The following DMD variants were observed in gnomAD, a reference collection of about 807,000 sequenced individuals.
The protein encoded by DMD is mutant dystrophin.
A neutral mutation model predicts 330.1 loss-of-function variants in DMD; 63 were observed. The observed-to-expected ratio is 0.19, with a 90% CI of 0.16 to 0.24. The LOEUF is 0.24. Among genes scored for constraint, DMD ranks in the 10% least tolerant of loss-of-function variants. DMD has a pLI of 1.00. For synonymous variants in DMD, 1,223 were observed against 959.8 expected, an observed-to-expected ratio of 1.27 and a Z score of -5.07; for missense variants, 3,344 against 2,684.1, an observed-to-expected ratio of 1.25 and a Z score of -5.43.
intron 60 of DMD, among the ~76,000 whole-genome samples, chrX:31,424,582 G>A (rs749786078): frequency 2.7e-5 from 3 of 112,104 alleles, no homozygotes; most frequent in Non-Finnish European, 3.8e-5. Flanking sequence ...AGTTTTTTAC[G>A]TAAAGTGCAA....
At chrX:31,166,247 T>C (rs975426466) in intron 74 of DMD, among the ~76,000 whole-genome samples, 7 of 111,623 alleles carry the variant, frequency 6.3e-5, no homozygotes, top group African/African-American at 2.3e-4. Flanking sequence ...AGAGATAAGA[T>C]ACCTCTGAGA....
At chrX:32,718,061 CT>C (rs747502957) in intron 7 of DMD, among the ~76,000 whole-genome samples, 1 of 111,007 alleles carries the variant, frequency 9.0e-6, no homozygotes, top group Non-Finnish European at 1.9e-5. Flanking sequence ...GGACTGTGGA[CT>C]TTTGAACTAA....
chrX:31,202,799 T>G (rs758950188), intron 67 of DMD, among the ~76,000 whole-genome samples: 4 of 112,324 alleles, frequency 3.6e-5, no homozygotes, highest in Non-Finnish European at 5.6e-5. Context: ...GTGAATAATG[T>G]GATACCGAAA....
chrX:31,456,834 ATATGTGTGTG>A (rs1238661744), intron 59 of DMD, among the ~76,000 whole-genome samples: 237 of 67,087 alleles, frequency 3.5e-3, no homozygotes, highest in African/African-American at 0.013. Flanking sequence ...GTGCCCACAT[ATATGTGTGTG>A]TGTGTGTGTG....
intron 42 of DMD, among the ~76,000 whole-genome samples, chrX:32,309,256 A>C (rs2097551869): frequency 8.9e-6 from 1 of 111,853 alleles, no homozygotes; most frequent in South Asian, 3.7e-4. Context: ...CCATTTGAGT[A>C]TAAAATACTT....
intron 55 of DMD, among the ~76,000 whole-genome samples, chrX:31,537,788 T>A (rs1339190056): frequency 8.9e-6 from 1 of 111,894 alleles, no homozygotes; most frequent in Non-Finnish European, 1.9e-5. Context: ...GCCTTCTGCA[T>A]CCTGCCAAGC....
At position 32,865,929 on chromosome X, in the gene DMD, G is replaced by A. The variant is rs978951645; in HGVS notation, c.94-16109C>T. ...AATGTAGCATTGCTGTTCTTCTCAT[G>A]AAAAGTTGGTATCTATTTCCCTGCT... On this transcript the variant is annotated intron_variant, in intron 2 of 78. Transcript: ENST00000357033. 2.7e-5 allele frequency among the ~76,000 whole-genome samples: 3 copies of A among 112,156 alleles called. No homozygotes were observed. The East Asian group carries it at 8.4e-4, about 32-fold the overall frequency.
intron 43 of DMD, among the ~76,000 whole-genome samples, chrX:32,247,027 T>C (rs2097241945): frequency 8.9e-6 from 1 of 111,977 alleles, no homozygotes; most frequent in Non-Finnish European, 1.9e-5. Flanking sequence ...TTTATTTTTA[T>C]AGCCATGTAG....
At position 32,276,087 on chromosome X, in the gene DMD, G is replaced by A. The variant is rs1038584205; in HGVS notation, c.6290+11442C>T. Among the ~76,000 whole-genome samples the A allele has an allele frequency of 3.6e-5, 4 of 112,086 alleles. No individual in the cohort carries two copies. The Admixed American group carries it at 3.8e-4, about 11-fold the overall frequency. ...GGAAGGGACAGTACAGCTACTGGGG[G>A]ACTTTACATTGAACTAACTGCTGTG... On this transcript the variant is annotated intron_variant, in intron 43 of 78. Transcript: ENST00000357033.
Position 33,140,617 on chromosome X carries a change from T to G in DMD, c.31+70665A>C, listed in dbSNP as rs182307095. ...CTTTGTTTCCATTTAGCTTTAGCACTCTATGACTTTTATCCATTTACTTAC... is the reference window on the plus strand; with the variant it reads ...CTTTGTTTCCATTTAGCTTTAGCACGCTATGACTTTTATCCATTTACTTAC... On this transcript the variant is annotated intron_variant, in intron 1 of 78. Coordinates refer to ENST00000357033, the MANE Select transcript of DMD (RefSeq NM_004006.3). Among the ~76,000 whole-genome samples, 14 of 112,315 alleles carry G rather than the reference T, an allele frequency of 1.2e-4. No homozygotes were observed. The South Asian group carries it at 2.6e-3, about 21-fold the overall frequency.
At chrX:32,813,347 C>A (rs1174020992) in intron 6 of DMD, among the ~76,000 whole-genome samples, 3 of 111,409 alleles carry the variant, frequency 2.7e-5, no homozygotes, top group South Asian at 3.7e-4. Context: ...GACTTGCAAC[C>A]AAGGATCACC....
At chrX:33,174,164 A>G (rs2049517776) in intron 1 of DMD, among the ~76,000 whole-genome samples, 1 of 110,137 alleles carries the variant, frequency 9.1e-6, no homozygotes, top group South Asian at 3.9e-4. Context: ...GACATTTCAC[A>G]CTTCTCAAAG....
At chrX:33,040,310 A>G (rs1427530711) in intron 1 of DMD, among the ~76,000 whole-genome samples, 1 of 110,523 alleles carries the variant, frequency 9.0e-6, no homozygotes, top group Non-Finnish European at 1.9e-5. Context: ...GAAAGATACT[A>G]AACTCTACCA....
At chrX:31,635,931 C>T (rs5927787) in intron 54 of DMD, among the ~76,000 whole-genome samples, 25,092 of 111,019 alleles carry the variant, frequency 0.23, 2,259 homozygotes, top group East Asian at 0.36. Context: ...GAATGGCTAT[C>T]ACTAAATAGT....
At chrX:31,888,479 C>CA (rs2094187459) in intron 47 of DMD, among the ~76,000 whole-genome samples, 1 of 111,650 alleles carries the variant, frequency 9.0e-6, no homozygotes. Flanking sequence ...TCACCTCCCC[C>CA]AAATTAGTAA....
chrX:32,962,354 C>T (rs745493386), intron 2 of DMD, among the ~76,000 whole-genome samples: 1 of 111,942 alleles, frequency 8.9e-6, no homozygotes, highest in African/African-American at 3.2e-5. Context: ...TGTTGTAGAT[C>T]TATATGCCCT....
At chrX:32,402,932 C>T (rs986219504) in intron 30 of DMD, among the ~76,000 whole-genome samples, 1 of 111,349 alleles carries the variant, frequency 9.0e-6, no homozygotes, top group Non-Finnish European at 1.9e-5. Context: ...TAGGCTTATT[C>T]ACATTTTAAA....
intron 1 of DMD, among the ~76,000 whole-genome samples, chrX:33,259,377 T>C (rs1283104824): frequency 9.1e-6 from 1 of 110,326 alleles, no homozygotes; most frequent in Non-Finnish European, 1.9e-5. Context: ...TTGTACATGC[T>C]ATAGGTTTGG....
intron 56 of DMD, among the ~76,000 whole-genome samples, chrX:31,499,262 G>A (rs1201952216): frequency 9.0e-6 from 1 of 111,335 alleles, no homozygotes; most frequent in Non-Finnish European, 1.9e-5. Flanking sequence ...GCCTCTGTCT[G>A]CCTGGTAGAG....
Sources: allele counts gnomAD v4.1 joint callset (sites outside exome capture counted in the v4.1 genomes callset), GRCh38; gene constraint gnomAD v4.1.1; transcripts MANE v1.5; gene names NCBI Gene and HGNC (gene_info 2026-07-23, HGNC 2026-07-21).